The following ZNF695 variants were observed in gnomAD, a reference collection of about 807,000 sequenced individuals.
ZNF695 encodes the protein zinc finger protein SBZF3.
ZNF695 carries 11 observed loss-of-function variants against 11.2 expected under a neutral mutation model. The ratio of observed to expected loss-of-function variants is 0.98; its 90% confidence interval spans 0.62 to 1.62. The LOEUF is 1.62. Among genes scored for constraint, ZNF695 ranks in the 40% most tolerant of loss-of-function variants. ZNF695 has a pLI of 0.00. For synonymous variants in ZNF695, 190 were observed against 201.4 expected, an observed-to-expected ratio of 0.94 and a Z score of 0.48; for missense variants, 559 against 590.5, an observed-to-expected ratio of 0.95 and a Z score of 0.55.
rs1668909825 is a variant in ZNF695, at chr1:246,988,084, A to G, written c.431T>C (p.Leu144Pro). The change falls in exon 4 of 4, where the codon CTT becomes CCT. Residue 144 changes from leucine (L) to proline (P), a missense_variant. Coordinates refer to ENST00000339986, the MANE Select transcript of ZNF695 (RefSeq NM_020394.5). ...ATGAGTAGTTGCTGAGCATAGGTCA[A>G]GTCCATTATAACTTGCCTTCTGCCC... The part of the protein sequence containing the change: ...WKGQKASYNG[L>P]DLCSATTHSK... The G allele has an allele frequency of 6.2e-7, 1 of 1,613,060 alleles. No homozygotes were observed. The highest frequency in any genetic ancestry group is 2.2e-5 in the East Asian group (1 of 44,872).
intron 5 of ZNF695, among the ~76,000 whole-genome samples, chr1:246,965,890 T>C (rs1033232891): frequency 1.6e-4 from 25 of 151,870 alleles, no homozygotes; most frequent in Non-Finnish European, 3.5e-4. Context: ...TATACCTTGT[T>C]TCAGGTATTC....
chr1:246,974,924 C>T (rs1371755797), intron 4 of ZNF695, among the ~76,000 whole-genome samples: 1 of 152,188 alleles, frequency 6.6e-6, no homozygotes, highest in Admixed American at 6.5e-5. Flanking sequence ...AACCTTGTCA[C>T]TTCCTGTGAT....
At chr1:246,981,454 A>G (rs1192190990), downstream of ZNF695, among the ~76,000 whole-genome samples, 1 of 152,262 alleles carries the variant, frequency 6.6e-6, no homozygotes, top group Non-Finnish European at 1.5e-5. Flanking sequence ...AATATTTCCC[A>G]AATTTTGAAA....
chr1:246,999,476 G>A (rs1386106034), intron 2 of ZNF695, 36 bp from the exon 3 acceptor site: 2 of 1,537,346 alleles, frequency 1.3e-6, no homozygotes, highest in Non-Finnish European at 9.0e-7. Context: ...GATTCTTGCA[G>A]GGATTCTTTA....
At chr1:246,948,620 CT>C (rs1331292464) in intron 5 of ZNF695, among the ~76,000 whole-genome samples, 1 of 152,180 alleles carries the variant, frequency 6.6e-6, no homozygotes, top group East Asian at 1.9e-4. Context: ...CTTCACAGGG[CT>C]GCCACTGTAG....
chr1:246,953,078 G>C (rs1396662139), intron 5 of ZNF695, among the ~76,000 whole-genome samples: 2 of 152,048 alleles, frequency 1.3e-5, no homozygotes, highest in East Asian at 3.9e-4. Context: ...TACTTCCCTA[G>C]GCTTTCGGTG....
At chr1:246,961,298 GTTT>G (rs1307207396) in intron 5 of ZNF695, among the ~76,000 whole-genome samples, 1 of 152,170 alleles carries the variant, frequency 6.6e-6, no homozygotes, top group East Asian at 1.9e-4. Flanking sequence ...ATAATGAGCT[GTTT>G]ATTTGTTCAT....
chr1:247,004,773 T>C (rs961573451), intron 1 of ZNF695, among the ~76,000 whole-genome samples: 1 of 152,208 alleles, frequency 6.6e-6, no homozygotes, highest in African/African-American at 2.4e-5. Context: ...TCAGTAGCAT[T>C]TTTATATGCC....
At chr1:246,952,959 C>T (rs1046882060) in intron 5 of ZNF695, among the ~76,000 whole-genome samples, 2 of 151,940 alleles carry the variant, frequency 1.3e-5, no homozygotes, top group African/African-American at 4.8e-5. Context: ...TTGCCAGTCT[C>T]AGCCACAATG....
Position 247,007,989 on chromosome 1 carries a change from A to C in ZNF695, c.-81T>G. The C allele has an allele frequency of 2.1e-6, 3 of 1,408,514 alleles. 1 individual carries two copies. The highest frequency in any genetic ancestry group is 3.8e-4 in the Middle Eastern group (2 of 5,228). 87.3% of individuals were successfully genotyped at this position (1,408,514 alleles called of 1,614,324 possible). On this transcript the variant is annotated 5_prime_UTR_variant, in exon 1 of 4. Coordinates refer to ENST00000339986, the MANE Select transcript of ZNF695 (RefSeq NM_020394.5). ...GCCACAGGGCGATGGAGCCTGCGGC[A>C]GTCACCCGGGACTCTCCGAGAGGCA...
At chr1:247,007,281 G>A (rs866471776) in intron 1 of ZNF695, among the ~76,000 whole-genome samples, 1 of 151,968 alleles carries the variant, frequency 6.6e-6, no homozygotes, top group Non-Finnish European at 1.5e-5. Context: ...CGAGGCGGGC[G>A]GATCACGAGG....
chr1:246,999,822 G>T, intron 2 of ZNF695, 90 bp downstream of exon 2: 1 of 1,352,266 alleles, frequency 7.4e-7, no homozygotes, highest in Non-Finnish European at 1.0e-6. Flanking sequence ...AATCCCCAAG[G>T]TTTTCTTGAA....
intron 5 of ZNF695, among the ~76,000 whole-genome samples, chr1:246,946,961 G>A (rs1243838170): frequency 6.6e-6 from 1 of 151,948 alleles, no homozygotes; most frequent in African/African-American, 2.4e-5. Context: ...TTAATGCAGT[G>A]AAACCCCGTC....
At position 246,952,318 on chromosome 1, in the gene ZNF695, T is replaced by G. The variant is rs543773149; in HGVS notation, c.489-6491A>C. ...AGAGACCACAGATGATAATTTCAAA[T>G]TTTCTTTAGTGTCCTTTGTATTTTG... is the stretch of plus-strand genomic sequence containing the variant. On this transcript the variant is annotated intron_variant, in intron 5 of 5. Coordinates refer to the ZNF695 transcript ENST00000487338. Among the ~76,000 whole-genome samples the G allele has an allele frequency of 5.3e-5, 8 of 152,314 alleles. No individual in the cohort carries two copies. The East Asian group carries it at 1.2e-3, about 22-fold the overall frequency.
In ZNF695 at chr1:247,006,602, A is replaced by G. The variant is rs1669548713; in HGVS notation, c.3+1304T>C. 2.0e-5 allele frequency among the ~76,000 whole-genome samples: 3 copies of G among 152,254 alleles called. No individual in the cohort carries two copies. In the South Asian group the frequency reaches 6.2e-4, roughly 31 times the overall value. On this transcript the variant is annotated intron_variant, in intron 1 of 3. Coordinates refer to ENST00000339986, the MANE Select transcript of ZNF695 (RefSeq NM_020394.5). ...TTCAGCTTACCTGCCATTGGGCAAC[A>G]GAGTGAGACTTCGTCTCAAAAAAAA...
At chr1:246,965,783 A>T (rs576453475) in intron 5 of ZNF695, among the ~76,000 whole-genome samples, 1 of 152,202 alleles carries the variant, frequency 6.6e-6, no homozygotes, top group South Asian at 2.1e-4. Context: ...AAAATTCTGC[A>T]GAGTCCCCAC....
At position 247,008,055 on chromosome 1, in the gene ZNF695, A is replaced by T. The variant is rs1193378990; in HGVS notation, c.-147T>A. 1 of 840,020 alleles carries T rather than the reference A, an allele frequency of 1.2e-6. No individual in the cohort carries two copies. Among genetic ancestry groups the T allele is most frequent in the Non-Finnish European group, 1.7e-6 (1 of 605,098 alleles). 52.0% of individuals were successfully genotyped at this position (840,020 alleles called of 1,614,324 possible). A position where few individuals can be genotyped will look rare whatever the true frequency, so the allele number is the denominator to read the frequency against. On this transcript the variant is annotated 5_prime_UTR_variant, in exon 1 of 4. The change creates a new upstream start codon in the 5' untranslated region. Coordinates refer to ENST00000339986, the MANE Select transcript of ZNF695 (RefSeq NM_020394.5). Reference sequence around the variant, plus strand: ...GCACCCCGCCGGCCGCAAGGAGACAAAGGCCCCGCCAGATCCCCAAGGCCG... The same window carrying T: ...GCACCCCGCCGGCCGCAAGGAGACATAGGCCCCGCCAGATCCCCAAGGCCG...
At chr1:246,979,565 T>C (rs1668651954) in intron 4 of ZNF695, among the ~76,000 whole-genome samples, 1 of 152,184 alleles carries the variant, frequency 6.6e-6, no homozygotes, top group Non-Finnish European at 1.5e-5. Flanking sequence ...TTTTAATTGA[T>C]AGCCTCAGAA....
rs1318757296 is a variant in ZNF695, at chr1:246,986,398, C to T, written c.*569G>A. The T allele has an allele frequency of 1.0e-6, 1 of 985,392 alleles. No individual in the cohort carries two copies. Among genetic ancestry groups the T allele is most frequent in the Non-Finnish European group, 1.2e-6 (1 of 830,012 alleles). The allele number at this position is 985,392 out of a possible 1,614,324, so 61.0% of individuals were successfully genotyped here. The stretch of plus-strand genomic sequence containing the variant: ...AGGTATACTTGAAATGTAATTATAA[C>T]TTCCCCAAAAGGTGAATCTCCTACT... On this transcript the variant is annotated 3_prime_UTR_variant, in exon 4 of 4. Coordinates refer to ENST00000339986, the MANE Select transcript of ZNF695 (RefSeq NM_020394.5).
Sources: gnomAD v4.1 joint callset for allele counts (sites outside exome capture counted in the v4.1 genomes callset) on GRCh38, gnomAD v4.1.1 for gene constraint, MANE v1.5 for transcripts, NCBI Gene and HGNC (gene_info 2026-07-23, HGNC 2026-07-21) for gene names.